Variants in EMC8 observed in about 807,000 individuals in gnomAD.
The protein encoded by EMC8 is COX4 neighbor.
In EMC8, 11 loss-of-function variants were observed where a neutral mutation model predicts 24.3. That is an observed-to-expected ratio of 0.45 (90% confidence interval 0.28 to 0.75). EMC8 has a LOEUF of 0.75. EMC8 is among the 30% of genes least tolerant of loss of function. The pLI, the probability that EMC8 is intolerant of heterozygous loss-of-function variation, is 0.12. For synonymous variants in EMC8, 145 were observed against 117.7 expected (o/e 1.23, Z -1.50); for missense variants, 277 against 282.7 (o/e 0.98, Z 0.14).
At chr16:85,787,144 T>C (rs531107756) in intron 2 of EMC8, among the ~76,000 whole-genome samples, 2 of 152,274 alleles carry the variant, frequency 1.3e-5, no homozygotes, top group Admixed American at 1.3e-4. Flanking sequence ...CCAACCTACC[T>C]GTGCAGCCTC....
At chr16:85,788,901 A>AAGCACACG in intron 2 of EMC8, 73 bp downstream of exon 2, 1 of 1,107,540 alleles carries the variant, frequency 9.0e-7, no homozygotes, top group Admixed American at 1.7e-5. Context: ...TCTGGCCGAA[A>AAGCACACG]AGCACACGAG....
intron 4 of EMC8, 186 bp downstream of exon 4, chr16:85,780,193 A>T: frequency 1.6e-6 from 1 of 614,094 alleles, no homozygotes; most frequent in Non-Finnish European, 2.9e-6. Context: ...ACCTGTGGGT[A>T]CCACTGAGGT....
In EMC8 at chr16:85,780,616, C is replaced by T. The variant is rs16939691; in HGVS notation, c.379-143G>A. 4.4e-3 allele frequency: 2,787 copies of T among 638,548 alleles called. 49 individuals are homozygous for T. Among genetic ancestry groups the T allele is most frequent in the African/African-American group, 0.04 (2,254 of 55,784 alleles). The allele number at this position is 638,548 out of a possible 1,614,324, so 39.6% of individuals were successfully genotyped here. Reference sequence around the variant, plus strand: ...CCGACAGAGCCTGTATGCAGAGTGGCGCGAGTGTCTGGCCTGAGGAAAACT... The same window carrying T: ...CCGACAGAGCCTGTATGCAGAGTGGTGCGAGTGTCTGGCCTGAGGAAAACT... On this transcript the variant is annotated intron_variant, in intron 3 of 4. Coordinates refer to ENST00000253457, the MANE Select transcript of EMC8 (RefSeq NM_006067.5).
At chr16:85,798,067 G>A (rs924043293) in intron 1 of EMC8, among the ~76,000 whole-genome samples, 4 of 150,208 alleles carry the variant, frequency 2.7e-5, no homozygotes, top group African/African-American at 7.4e-5. Context: ...ACATAAAAGC[G>A]TGTTGGACAG....
intron 1 of EMC8, among the ~76,000 whole-genome samples, chr16:85,796,513 A>T (rs1905248392): frequency 6.6e-6 from 1 of 151,798 alleles, no homozygotes; most frequent in South Asian, 2.1e-4. Flanking sequence ...TGATCACGCA[A>T]CTCTCCTCCA....
rs536566891 is a variant in EMC8 at position 85,785,298 on chromosome 16, G to C, written c.308+3676C>G. ...TAAAAATTTGTAGTTGGCCGGGTGT[G>C]GTGGCTCATGCCTGTAATCCCAGCA... On this transcript the variant is annotated intron_variant, in intron 2 of 4. Coordinates refer to ENST00000253457, the MANE Select transcript of EMC8 (RefSeq NM_006067.5). Among the ~76,000 whole-genome samples the C allele has an allele frequency of 2.0e-5, 3 of 152,258 alleles. No homozygotes were observed. In the East Asian group the frequency reaches 5.8e-4, roughly 29 times the overall value.
At chr16:85,794,081 C>G (rs79512669) in intron 1 of EMC8, among the ~76,000 whole-genome samples, 3,108 of 152,268 alleles carry the variant, frequency 0.02, 51 homozygotes, top group Non-Finnish European at 0.031. Context: ...TGGAACAGAG[C>G]CATGAGAACA....
At chr16:85,784,100 G>A (rs1904638818) in intron 2 of EMC8, among the ~76,000 whole-genome samples, 1 of 152,116 alleles carries the variant, frequency 6.6e-6, no homozygotes, top group Non-Finnish European at 1.5e-5. Context: ...CCGGGTTCAC[G>A]CCATTCTCCT....
chr16:85,785,809 C>A (rs1236067359), intron 2 of EMC8, among the ~76,000 whole-genome samples: 1 of 152,150 alleles, frequency 6.6e-6, no homozygotes, highest in African/African-American at 2.4e-5. Flanking sequence ...TCTGCTCACC[C>A]TCAACAGCAC....
intron 1 of EMC8, among the ~76,000 whole-genome samples, chr16:85,797,576 G>A (rs1905289061): frequency 6.6e-6 from 1 of 152,182 alleles, no homozygotes; most frequent in Non-Finnish European, 1.5e-5. Flanking sequence ...ATGATATGAA[G>A]TTTAACTTTA....
chr16:85,795,822 G>C (rs1047230347), intron 1 of EMC8, among the ~76,000 whole-genome samples: 3 of 152,178 alleles, frequency 2.0e-5, no homozygotes, highest in African/African-American at 7.2e-5. Flanking sequence ...AGAGGTTCCA[G>C]AGCCTGGACT....
rs1597212664 is a variant in EMC8, at chr16:85,799,364, C to G, written c.-69G>C. ...GGCCTGGACCCGCTGCCTGGCCGCG[C>G]GGCGCCTCAGCCGAGAAGCGGGACG... On this transcript the variant is annotated 5_prime_UTR_variant, in exon 1 of 5. Transcript: ENST00000253457. The surrounding 1 kb of genome is among the most constrained non-coding windows in gnomAD (Gnocchi z 4.2). The G allele has an allele frequency of 1.3e-5, 13 of 1,013,434 alleles. 1 individual carries two copies. In the East Asian group the frequency reaches 3.9e-4, roughly 30 times the overall value. The allele number at this position is 1,013,434 out of a possible 1,614,324, so 62.8% of individuals were successfully genotyped here. A position where few individuals can be genotyped will look rare whatever the true frequency, so the allele number is the denominator to read the frequency against.
intron 2 of EMC8, chr16:85,781,497 C>G: frequency 2.1e-6 from 1 of 473,296 alleles, no homozygotes; most frequent in Non-Finnish European, 3.9e-6. Context: ...GTGACGCAAT[C>G]ATAGCCCACT....
chr16:85,798,816 G>A lies in EMC8; in HGVS notation c.231+249C>T, dbSNP rs1232941454. ...AGGCTACTGATTTCAGGAAACTAAC[G>A]TATAACTCGTCGCCTTAAAGTGCCT... On this transcript the variant is annotated intron_variant, in intron 1 of 4. Coordinates refer to ENST00000253457, the MANE Select transcript of EMC8 (RefSeq NM_006067.5). 2.2e-5 allele frequency: 10 copies of A among 456,960 alleles called. No homozygotes were observed. The East Asian group carries it at 3.0e-4, about 14-fold the overall frequency. The allele number at this position is 456,960 out of a possible 1,614,324, so 28.3% of individuals were successfully genotyped here. A position where few individuals can be genotyped will look rare whatever the true frequency, so the allele number is the denominator to read the frequency against.
intron 4 of EMC8, 125 bp downstream of exon 4, chr16:85,780,254 G>T (rs1221252796): frequency 2.8e-6 from 2 of 713,406 alleles, no homozygotes; most frequent in Admixed American, 2.1e-5. Flanking sequence ...AGGAGCCGGG[G>T]AATATGCTTG....
Position 85,799,212 on chromosome 16 carries a change from C to T in EMC8, c.84G>A (p.Gly28=). The part of the protein sequence containing the change: ...GAKYPHCAVN[G]LLVAEKQKPR... ...GCTTCTGCTTCTCGGCCACCAGGAG[C>T]CCGTTGACGGCGCAGTGCGGGTACT... The change falls in exon 1 of 5, where the codon GGG becomes GGA. Residue 28 remains glycine, a synonymous_variant. Transcript: ENST00000253457. This position sits in a 1 kb window ranked among gnomAD's most constrained non-coding sequence, Gnocchi z 4.2. 4 of 1,613,462 alleles carry T rather than the reference C, an allele frequency of 2.5e-6. No homozygotes were observed. The highest frequency in any genetic ancestry group is 3.4e-6 in the Non-Finnish European group (4 of 1,179,878).
intron 2 of EMC8, 120 bp from the exon 3 acceptor site, chr16:85,781,400 G>A: frequency 2.8e-6 from 2 of 719,278 alleles, no homozygotes; most frequent in Non-Finnish European, 5.1e-6. Context: ...GAGCCAACAG[G>A]CTGCACGTGC....
At chr16:85,781,523 T>C (rs1244868513) in intron 2 of EMC8, 8 of 426,916 alleles carry the variant, frequency 1.9e-5, no homozygotes, top group South Asian at 2.7e-5. Context: ...CTCAAATTCC[T>C]AGGCTCAAGC....
intron 1 of EMC8, among the ~76,000 whole-genome samples, chr16:85,795,336 T>C (rs1252382374): frequency 6.6e-6 from 1 of 152,112 alleles, no homozygotes; most frequent in Non-Finnish European, 1.5e-5. Flanking sequence ...CCTCCTCCAC[T>C]CAACCCATAA....
Sources: allele counts gnomAD v4.1 joint callset (sites outside exome capture counted in the v4.1 genomes callset), GRCh38; gene constraint gnomAD v4.1.1; non-coding constraint Gnocchi (gnomAD v3.1); transcripts MANE v1.5; gene names NCBI Gene and HGNC (gene_info 2026-07-23, HGNC 2026-07-21).